Variants in ACIN1 observed in about 807,000 individuals in gnomAD.
ACIN1 encodes apoptotic chromatin condensation inducer 1, also known as apoptotic chromatin condensation inducer in the nucleus.
In ACIN1, 16 loss-of-function variants were observed where a neutral mutation model predicts 146.6. That is an observed-to-expected ratio of 0.11 (90% CI 0.07 to 0.17). ACIN1 has a LOEUF of 0.17. Ranked by LOEUF, ACIN1 falls within the 10% of genes least tolerant of loss-of-function variation. The pLI, the probability that ACIN1 is intolerant of heterozygous loss-of-function variation, is 1.00. For synonymous variants in ACIN1, 569 were observed against 582.7 expected (o/e 0.98, Z 0.34); for missense variants, 1,357 against 1,609.3 (o/e 0.84, Z 2.68).
intron 8 of ACIN1, among the ~76,000 whole-genome samples, chr14:23,070,028 A>T (rs989025713): frequency 6.6e-6 from 1 of 152,182 alleles, no homozygotes; most frequent in Non-Finnish European, 1.5e-5. Context: ...AGGCACCTTT[A>T]TATGGCAAAA....
At chr14:23,085,174 C>T (rs756868804) in intron 4 of ACIN1, among the ~76,000 whole-genome samples, 1 of 145,510 alleles carries the variant, frequency 6.9e-6, no homozygotes, top group Non-Finnish European at 1.5e-5. Flanking sequence ...ACTAAAAATA[C>T]AAAAAAAAAA....
At chr14:23,063,716 T>A (rs763261849) in intron 12 of ACIN1, 139 bp from the exon 13 acceptor site, 9 of 1,015,364 alleles carry the variant, frequency 8.9e-6, no homozygotes, top group Non-Finnish European at 1.3e-5. Context: ...TCGGCTCACT[T>A]CTACCAGATC....
intron 18 of ACIN1, among the ~76,000 whole-genome samples, chr14:23,060,378 T>C (rs1198442059): frequency 1.3e-5 from 2 of 152,176 alleles, no homozygotes; most frequent in African/African-American, 4.8e-5. Context: ...AAATCTCTTT[T>C]TTGAGTAGCA....
In ACIN1 at chr14:23,079,634, A is replaced by C. The variant is rs2047891302; in HGVS notation, c.1701T>G (p.Gly567=). The change falls in exon 6 of 19, where the codon GGT becomes GGG. Residue 567 remains glycine (G), a synonymous_variant. Coordinates refer to ENST00000605057, the MANE Select transcript of ACIN1 (RefSeq NM_001386863.1). ...AQARTHANPR[G]RPKMGSRSTS... ...TTGATCTGGAGCCCATCTTGGGTCTACCACGAGGGTTGGCATGAGTACGTG... is the reference window on the plus strand; with the variant it reads ...TTGATCTGGAGCCCATCTTGGGTCTCCCACGAGGGTTGGCATGAGTACGTG... The C allele has an allele frequency of 6.2e-7, 1 of 1,614,152 alleles. No individual in the cohort carries two copies. The highest frequency in any genetic ancestry group is 8.5e-7 in the Non-Finnish European group (1 of 1,180,020).
At chr14:23,066,724 TAG>T (rs1035353659) in intron 9 of ACIN1, among the ~76,000 whole-genome samples, 1 of 152,188 alleles carries the variant, frequency 6.6e-6, no homozygotes, top group African/African-American at 2.4e-5. Context: ...AGGAGATCCT[TAG>T]ACTTTCCAGC....
intron 4 of ACIN1, among the ~76,000 whole-genome samples, chr14:23,085,518 T>A (rs1454207838): frequency 6.6e-6 from 1 of 152,234 alleles, no homozygotes; most frequent in Admixed American, 6.5e-5. Context: ...GGATGATTAC[T>A]CCTCTGGAAG....
chr14:23,090,656 G>A (rs1301418625), intron 2 of ACIN1, 23 bp from the exon 3 acceptor site: 1 of 1,586,726 alleles, frequency 6.3e-7, no homozygotes. Context: ...AATGAAAACA[G>A]AGGGTCTAGG....
At chr14:23,094,810 T>G (rs529013095) in intron 1 of ACIN1, 165 bp downstream of exon 1, 133 of 1,079,048 alleles carry the variant, frequency 1.2e-4, no homozygotes, top group Non-Finnish European at 1.5e-4. Context: ...GCGATCTCCA[T>G]TCCAGCGCGA....
chr14:23,085,896 T>C (rs925230319), intron 4 of ACIN1, among the ~76,000 whole-genome samples: 2 of 152,152 alleles, frequency 1.3e-5, no homozygotes, highest in Admixed American at 6.5e-5. Context: ...AGGGTAAATA[T>C]TAGATTTCCA....
chr14:23,070,546 A>G (rs1010351065), intron 8 of ACIN1, among the ~76,000 whole-genome samples: 2 of 152,216 alleles, frequency 1.3e-5, no homozygotes, highest in South Asian at 4.2e-4. Context: ...ATTTCAGGCA[A>G]AGAATCCCAG....
rs2047377478 is a variant in ACIN1 at position 23,064,093 on chromosome 14, C to T, written c.2595+12G>A. ...CCACCTTTCCCCTGACACTGGGGTG[C>T]AGAAGCCTTACCTGAGTGACTGTCC... On this transcript the variant is annotated intron_variant, in intron 12 of 18. Transcript: ENST00000605057. 6.2e-7 allele frequency: 1 copy of T among 1,613,732 alleles called. No homozygotes were observed. Among genetic ancestry groups the T allele is most frequent in the South Asian group, 1.1e-5 (1 of 91,060 alleles).
intron 8 of ACIN1, chr14:23,071,292 C>G (rs1390137288): frequency 1.3e-6 from 2 of 1,498,236 alleles, no homozygotes; most frequent in Middle Eastern, 1.8e-4. Context: ...TCCTCCCCAG[C>G]CACCCGATCC....
chr14:23,062,591 CG>C (rs2047323605), intron 14 of ACIN1, 68 bp from the exon 15 acceptor site: 1 of 1,421,024 alleles, frequency 7.0e-7, no homozygotes, highest in African/African-American at 1.4e-5. Flanking sequence ...TTAGATTTCC[CG>C]AGCTGCTGTC....
At chr14:23,077,418 G>A (rs554911480) in intron 8 of ACIN1, among the ~76,000 whole-genome samples, 11 of 152,256 alleles carry the variant, frequency 7.2e-5, no homozygotes, top group East Asian at 3.9e-4. Flanking sequence ...CATTTCCCAG[G>A]AGACTTTGAA....
chr14:23,061,667 T>C, intron 16 of ACIN1, 45 bp from the exon 17 acceptor site: 4 of 1,460,664 alleles, frequency 2.7e-6, no homozygotes, highest in Non-Finnish European at 2.7e-6. Context: ...AGAGGTGATA[T>C]CACTCCCACT....
chr14:23,080,354 C>T lies in ACIN1; in HGVS notation c.981G>A (p.Lys327=), dbSNP rs778716338. The T allele has an allele frequency of 8.7e-6, 14 of 1,614,046 alleles. No homozygotes were observed. Among genetic ancestry groups the T allele is most frequent in the South Asian group, 4.4e-5 (4 of 91,082 alleles). ...CAGTCAGTCGAGGAGGGGAAGGAGACTTCGATTTTTCCTTTAAGCCTTGTG... is the reference window on the plus strand; with the variant it reads ...CAGTCAGTCGAGGAGGGGAAGGAGATTTCGATTTTTCCTTTAAGCCTTGTG... ...KSSQGLKEKS[K]SPSPPRLTED... The change falls in exon 6 of 19, where the codon AAG becomes AAA. Residue 327 remains lysine (K), a synonymous_variant. Transcript: ENST00000605057.
At chr14:23,061,017 A>C in intron 18 of ACIN1, 67 bp downstream of exon 18, 1 of 1,461,836 alleles carries the variant, frequency 6.8e-7, no homozygotes, top group South Asian at 1.1e-5. Flanking sequence ...AGTCACATGA[A>C]TCTCCCCTCA....
At chr14:23,092,170 C>A (rs2048245813) in intron 2 of ACIN1, among the ~76,000 whole-genome samples, 1 of 151,902 alleles carries the variant, frequency 6.6e-6, no homozygotes, top group South Asian at 2.1e-4. Context: ...AAGTTCTCCT[C>A]CCTAGAACCT....
intron 4 of ACIN1, among the ~76,000 whole-genome samples, chr14:23,083,230 T>C (rs566914015): frequency 7.3e-5 from 11 of 151,676 alleles, no homozygotes; most frequent in Admixed American, 1.3e-4. Flanking sequence ...TTTTAGACAG[T>C]GTTTTACTCT....
Sources: gnomAD v4.1 joint callset for allele counts (sites outside exome capture counted in the v4.1 genomes callset) on GRCh38, gnomAD v4.1.1 for gene constraint, MANE v1.5 for transcripts, NCBI Gene and HGNC (gene_info 2026-07-23, HGNC 2026-07-21) for gene names.